The following TRPM1 variants were observed in gnomAD, a reference collection of about 807,000 sequenced individuals.
TRPM1 encodes the protein transient receptor potential cation channel subfamily M member 1.
In TRPM1, 113 loss-of-function variants were observed where a neutral mutation model predicts 149.4. That is an observed-to-expected ratio of 0.76 (90% CI 0.65 to 0.88). The LOEUF is 0.88. Ranked by LOEUF, TRPM1 falls within the 40% of genes least tolerant of loss-of-function variation. The pLI is 0.00. For missense variants in TRPM1, 1,976 were observed against 2,038.7 expected (o/e 0.97, Z 0.59); for synonymous variants, 741 against 759.5 (o/e 0.98, Z 0.40).
chr15:31,144,715 T>G (rs1567078332), intron 1 of TRPM1, among the ~76,000 whole-genome samples: 1 of 149,078 alleles, frequency 6.7e-6, no homozygotes, highest in African/African-American at 2.5e-5. Flanking sequence ...TTTTGAGATT[T>G]TTTTTTTTTT....
upstream of TRPM1, among the ~76,000 whole-genome samples, chr15:31,104,098 A>C (rs1393919486): frequency 6.6e-6 from 1 of 151,978 alleles, no homozygotes; most frequent in Non-Finnish European, 1.5e-5. Context: ...CCGTCTGAGG[A>C]CACAAGAACA....
intron 1 of TRPM1, among the ~76,000 whole-genome samples, chr15:31,089,097 T>C (rs2035132637): frequency 6.6e-6 from 1 of 152,004 alleles, no homozygotes; most frequent in Non-Finnish European, 1.5e-5. Context: ...AAAACAAAAA[T>C]CAATACAGAA....
chr15:31,049,801 C>T (rs1016940690), intron 12 of TRPM1, among the ~76,000 whole-genome samples: 1 of 152,240 alleles, frequency 6.6e-6, no homozygotes, highest in Non-Finnish European at 1.5e-5. Context: ...CCAGTCTCCA[C>T]CATTTGTTTC....
rs1300633270 is a variant in TRPM1, at chr15:31,002,865, A to G, written c.3835T>C (p.Tyr1279His). Reference protein sequence around the residue: ...SRASSECEATYLLRQSSINSA... With the variant: ...SRASSECEATHLLRQSSINSA... ...TTGATGCTGCTTTGCCGGAGAAGAT[A>G]CGTTGCCTCACATTCAGAAGAAGCC... The change falls in exon 28 of 28, where the codon TAT (tyrosine) becomes CAT (histidine). Residue 1279 changes from tyrosine (Y) to histidine (H), a missense_variant. By Grantham distance (83) the Tyr-to-His change is moderately conservative. Around this residue, in one of 3 missense-constraint regions of TRPM1, gnomAD observed 572 missense variants for 578.9 expected, o/e 0.99. Coordinates refer to ENST00000256552, the MANE Select transcript of TRPM1 (RefSeq NM_001252024.2). 6.2e-7 allele frequency: 1 copy of G among 1,614,218 alleles called. No individual in the cohort carries two copies. The highest frequency in any genetic ancestry group is 8.5e-7 in the Non-Finnish European group (1 of 1,180,030).
chr15:31,036,309 C>T (rs1031988732), intron 20 of TRPM1, among the ~76,000 whole-genome samples: 14 of 152,128 alleles, frequency 9.2e-5, no homozygotes, highest in South Asian at 4.1e-4. Flanking sequence ...ATCACCTGTC[C>T]CCAGTGATTC....
At chr15:31,113,627 A>T (rs1393756099) in intron 1 of TRPM1, among the ~76,000 whole-genome samples, 1 of 152,108 alleles carries the variant, frequency 6.6e-6, no homozygotes, top group East Asian at 1.9e-4. Flanking sequence ...ATAGCACTTT[A>T]CTGTACAAAT....
At chr15:31,099,121 C>T (rs2035459684) in intron 1 of TRPM1, among the ~76,000 whole-genome samples, 1 of 152,184 alleles carries the variant, frequency 6.6e-6, no homozygotes, top group African/African-American at 2.4e-5. Context: ...CTTTCCTGGA[C>T]TCTGCCTGCT....
In TRPM1 at chr15:31,037,714, G is replaced by A; in HGVS notation, c.2568C>T (p.Tyr856=). 1.2e-6 allele frequency: 2 copies of A among 1,614,230 alleles called. No individual in the cohort carries two copies. Among genetic ancestry groups the A allele is most frequent in the Non-Finnish European group, 8.5e-7 (1 of 1,180,046 alleles). ...YNAPIVKFWF[Y]TISYLGYLLL... is the part of the protein sequence containing the mutation. ...AATGTTCAGGAGGAGGCCTCACTGT[G>A]TAAAACCAGAACTTGACAATGGGCG... Residue 856 remains tyrosine, a synonymous_variant, in exon 20 of 28, where the codon TAC becomes TAT. Coordinates refer to ENST00000256552, the MANE Select transcript of TRPM1 (RefSeq NM_001252024.2).
intron 1 of TRPM1, among the ~76,000 whole-genome samples, chr15:31,146,059 G>GAGGAC (rs2036220973): frequency 2.6e-5 from 4 of 152,294 alleles, no homozygotes; most frequent in Admixed American, 2.6e-4. Flanking sequence ...CTTGGTTTAT[G>GAGGAC]AGGACCCTGG....
chr15:31,040,437 C>T lies in TRPM1; in HGVS notation c.2088-91G>A, dbSNP rs994273664. ...TATCCACCAAGGACTTATGGAGCCA[C>T]GGGACACAGTATCCTTCACTGGAGG... On this transcript the variant is annotated intron_variant, in intron 17 of 27. Coordinates refer to ENST00000256552, the MANE Select transcript of TRPM1 (RefSeq NM_001252024.2). The surrounding 1 kb of genome is among the most constrained non-coding windows in gnomAD (Gnocchi z 4.2). The T allele has an allele frequency of 1.9e-5, 20 of 1,046,230 alleles. No homozygotes were observed. Among genetic ancestry groups the T allele is most frequent in the South Asian group, 1.4e-4 (11 of 77,050 alleles). The allele number at this position is 1,046,230 out of a possible 1,614,324, so 64.8% of individuals were successfully genotyped here.
chr15:31,014,051 T>C (rs746304765), intron 27 of TRPM1, among the ~76,000 whole-genome samples: 9 of 152,196 alleles, frequency 5.9e-5, no homozygotes, highest in Non-Finnish European at 1.5e-5. Flanking sequence ...AATGAGCTTA[T>C]AGCCTTCTCA....
At chr15:31,087,157 C>G (rs2035023759) in intron 1 of TRPM1, among the ~76,000 whole-genome samples, 1 of 148,892 alleles carries the variant, frequency 6.7e-6, no homozygotes, top group African/African-American at 2.5e-5. Context: ...ACTGTGGAAA[C>G]CAGTATGGCA....
chr15:31,088,158 C>G (rs549944646), intron 1 of TRPM1, among the ~76,000 whole-genome samples: 1 of 152,188 alleles, frequency 6.6e-6, no homozygotes, highest in African/African-American at 2.4e-5. Context: ...CTGTGTCTAG[C>G]TAAAGGTTTG....
Position 31,046,239 on chromosome 15 carries a change from T to G in TRPM1, c.1765-6A>C, listed in dbSNP as rs770577891. Reference sequence around the variant, plus strand: ...AGAAGTTTAAGAGCTTTAGGCTGCATGGTGAAAGAGGAAGAAAAAAAATCA... The same window carrying G: ...AGAAGTTTAAGAGCTTTAGGCTGCAGGGTGAAAGAGGAAGAAAAAAAATCA... On this transcript the variant is annotated splice_region_variant and splice_polypyrimidine_tract_variant and intron_variant, in intron 15 of 27. Coordinates refer to ENST00000256552, the MANE Select transcript of TRPM1 (RefSeq NM_001252024.2). 1 of 1,613,686 alleles carries G rather than the reference T, an allele frequency of 6.2e-7. No individual in the cohort carries two copies. Among genetic ancestry groups the G allele is most frequent in the Non-Finnish European group, 8.5e-7 (1 of 1,179,772 alleles).
intron 27 of TRPM1, among the ~76,000 whole-genome samples, chr15:31,014,259 A>G (rs2032283386): frequency 6.6e-6 from 1 of 152,188 alleles, no homozygotes; most frequent in Non-Finnish European, 1.5e-5. Flanking sequence ...TGTTTTTGAC[A>G]ACCCTTCCTC....
chr15:31,081,421 T>A lies in TRPM1; in HGVS notation c.-66A>T. 1 of 1,534,558 alleles carries A rather than the reference T, an allele frequency of 6.5e-7. No individual in the cohort carries two copies. The highest frequency in any genetic ancestry group is 2.4e-5 in the East Asian group (1 of 40,926). On this transcript the variant is annotated 5_prime_UTR_variant, in exon 2 of 28. Transcript: ENST00000256552. ...AGCACTGCAAGTTACTGCTGAGTCCTCAGAAATCTTCTAGAACCTACGAGG... is the reference window on the plus strand; with the variant it reads ...AGCACTGCAAGTTACTGCTGAGTCCACAGAAATCTTCTAGAACCTACGAGG...
chr15:31,094,824 C>T (rs1567051502), intron 1 of TRPM1, among the ~76,000 whole-genome samples: 1 of 152,206 alleles, frequency 6.6e-6, no homozygotes, highest in Non-Finnish European at 1.5e-5. Context: ...TTGGCAGTTC[C>T]TCAGTTAAAT....
At chr15:31,116,402 G>A (rs755650307) in intron 1 of TRPM1, among the ~76,000 whole-genome samples, 2 of 152,128 alleles carry the variant, frequency 1.3e-5, no homozygotes, top group African/African-American at 4.8e-5. Flanking sequence ...GAGGCTAGGA[G>A]TTTGAGAGCC....
chr15:31,078,984 G>T lies in TRPM1; in HGVS notation c.4-2000C>A, dbSNP rs557868859. 7.9e-5 allele frequency among the ~76,000 whole-genome samples: 12 copies of T among 152,318 alleles called. No individual in the cohort carries two copies. In the East Asian group the frequency reaches 2.3e-3, roughly 29 times the overall value. ...ACAAATAAATTAATACATTGCAGAT[G>T]ATTGGAGCTGGGTTTCTCACTGCTG... is the stretch of plus-strand genomic sequence containing the variant. On this transcript the variant is annotated intron_variant, in intron 2 of 27. Coordinates refer to ENST00000256552, the MANE Select transcript of TRPM1 (RefSeq NM_001252024.2).
Sources: allele counts gnomAD v4.1 joint callset (sites outside exome capture counted in the v4.1 genomes callset), GRCh38; gene constraint gnomAD v4.1.1; regional missense constraint gnomAD v4.1.1; non-coding constraint Gnocchi (gnomAD v3.1); transcripts MANE v1.5; gene names NCBI Gene and HGNC (gene_info 2026-07-23, HGNC 2026-07-21).